SORBS3: variants seen among roughly 807,000 people sequenced by gnomAD.
The protein encoded by SORBS3 is sorbin and SH3 domain containing 3.
In SORBS3, 69 loss-of-function variants were observed where a neutral mutation model predicts 98.0. The observed-to-expected ratio is 0.70, with a 90% CI of 0.58 to 0.86. The LOEUF (loss-of-function observed/expected upper bound fraction) is 0.86. Among genes scored for constraint, SORBS3 ranks in the 40% least tolerant of loss-of-function variants. The pLI is 0.00. For synonymous variants in SORBS3, 394 were observed against 355.4 expected (o/e 1.11, Z -1.22); for missense variants, 954 against 908.5 (o/e 1.05, Z -0.64).
At position 22,572,385 on chromosome 8, in the gene SORBS3, G is replaced by A; in HGVS notation, c.1893G>A (p.Leu631=). The part of the protein sequence containing the change: ...YQYRPQNEDE[L]ELREGDRVDV... Reference sequence around the variant, plus strand: ...ACAGGCCCCAGAACGAAGACGAGCTGGAGCTGCGCGAGGGGGACAGGGTGG... The same window carrying A: ...ACAGGCCCCAGAACGAAGACGAGCTAGAGCTGCGCGAGGGGGACAGGGTGG... Residue 631 remains leucine (L), a synonymous_variant, in exon 20 of 21, where the codon CTG becomes CTA. Transcript: ENST00000240123. 2 of 1,614,108 alleles carry A rather than the reference G, an allele frequency of 1.2e-6. No homozygotes were observed. The highest frequency in any genetic ancestry group is 1.1e-5 in the South Asian group (1 of 91,086).
At chr8:22,561,288 C>G in intron 5 of SORBS3, 47 bp from the exon 6 acceptor site, 1 of 1,541,584 alleles carries the variant, frequency 6.5e-7, no homozygotes, top group African/African-American at 1.4e-5. Flanking sequence ...GCACCCTGCC[C>G]TTGCTTTCTG....
intron 10 of SORBS3, 172 bp from the exon 11 acceptor site, chr8:22,565,096 C>A: frequency 1.4e-6 from 2 of 1,437,442 alleles, no homozygotes; most frequent in Admixed American, 5.3e-5. Flanking sequence ...GGCGGGGATG[C>A]CCTCTTGGCA....
At chr8:22,558,085 G>C (rs1449203819) in intron 4 of SORBS3, 44 bp from the exon 5 acceptor site, 1 of 1,596,442 alleles carries the variant, frequency 6.3e-7, no homozygotes, top group Admixed American at 1.7e-5. Flanking sequence ...AAATTGGGAG[G>C]GTGAATAAGC....
At chr8:22,558,019 G>C in intron 4 of SORBS3, 110 bp from the exon 5 acceptor site, 1 of 969,794 alleles carries the variant, frequency 1.0e-6, no homozygotes, top group Non-Finnish European at 1.7e-6. Flanking sequence ...CCCACCTATG[G>C]GGGGTTCAGG....
intron 7 of SORBS3, among the ~76,000 whole-genome samples, chr8:22,562,982 G>C (rs989061664): frequency 6.6e-6 from 1 of 152,152 alleles, no homozygotes; most frequent in Non-Finnish European, 1.5e-5. Flanking sequence ...AGCCGGGCGC[G>C]GTGGCGGGTG....
At position 22,567,101 on chromosome 8, in the gene SORBS3, A is replaced by G; in HGVS notation, c.1231A>G (p.Lys411Glu). 1 of 1,613,570 alleles carries G rather than the reference A, an allele frequency of 6.2e-7. No homozygotes were observed. Among genetic ancestry groups the G allele is most frequent in the Non-Finnish European group, 8.5e-7 (1 of 1,179,828 alleles). ...LQKGDIVYIH[K>E]EVDKNWLEGE... ...GAAGGGTGACATTGTCTACATCCACAAGGAGGTGGACAAGAACTGGCTGGA... is the reference window on the plus strand; with the variant it reads ...GAAGGGTGACATTGTCTACATCCACGAGGAGGTGGACAAGAACTGGCTGGA... The change falls in exon 16 of 21, where the codon AAG (lysine) becomes GAG (glutamate). Residue 411 changes from lysine to glutamate, a missense_variant. By Grantham distance (56) the Lys-to-Glu change is moderately conservative. Transcript: ENST00000240123.
intron 1 of SORBS3, among the ~76,000 whole-genome samples, 170 bp downstream of exon 1, chr8:22,552,192 C>T (rs943304354): frequency 9.9e-5 from 15 of 152,248 alleles, no homozygotes; most frequent in African/African-American, 3.4e-4. Context: ...AAAAGCTGTC[C>T]TTGTCCACGT....
Position 22,572,412 on chromosome 8 carries a change from T to C in SORBS3, c.1920T>C (p.Asp640=), listed in dbSNP as rs2117303490. The C allele has an allele frequency of 6.2e-7, 1 of 1,613,900 alleles. No individual in the cohort carries two copies. Among genetic ancestry groups the C allele is most frequent in the Middle Eastern group, 1.7e-4 (1 of 6,060 alleles). Residue 640 remains aspartate (D), a synonymous_variant, in exon 20 of 21, where the codon GAT becomes GAC. Coordinates refer to ENST00000240123, the MANE Select transcript of SORBS3 (RefSeq NM_005775.5). ...ELELREGDRV[D]VMQQCDDGWF... ...AGCTGCGCGAGGGGGACAGGGTGGA[T>C]GTCATGCAGCAGTGTGACGATGGCT...
rs755951279 is a variant in SORBS3, at chr8:22,571,229, A to G, written c.1743+8A>G. 2.6e-5 allele frequency: 40 copies of G among 1,519,960 alleles called. No homozygotes were observed. Among genetic ancestry groups the G allele is most frequent in the Middle Eastern group, 1.8e-4 (1 of 5,698 alleles). 94.2% of individuals were successfully genotyped at this position (1,519,960 alleles called of 1,614,324 possible). A position where few individuals can be genotyped will look rare whatever the true frequency, so the allele number is the denominator to read the frequency against. On this transcript the variant is annotated splice_region_variant and intron_variant, in intron 18 of 20. Transcript: ENST00000240123. ...CCTAGACCCCAGACCCAGGTGAGGT[A>G]GCCTGCCTCCACCAGAGAGTCGACC...
intron 6 of SORBS3, 36 bp downstream of exon 6, chr8:22,561,409 C>T: frequency 6.2e-7 from 1 of 1,611,948 alleles, no homozygotes; most frequent in Middle Eastern, 1.7e-4. Context: ...TGCCATAGCC[C>T]TGCGCCTGCG....
In SORBS3 at chr8:22,564,168, T is replaced by C. The variant is rs1840354073; in HGVS notation, c.675+91T>C. 5.3e-6 allele frequency: 8 copies of C among 1,503,598 alleles called. No individual in the cohort carries two copies. The East Asian group carries it at 1.9e-4, about 35-fold the overall frequency. The allele number at this position is 1,503,598 out of a possible 1,614,324, so 93.1% of individuals were successfully genotyped here. On this transcript the variant is annotated intron_variant, in intron 8 of 20. Transcript: ENST00000240123. ...ACGATGTCCTTTCAGCTTGAATCCC[T>C]TGGAGGACACCGTGGGCCCAGGGGA...
At chr8:22,551,322 C>T (rs1267390506), upstream of SORBS3, among the ~76,000 whole-genome samples, 2 of 151,936 alleles carry the variant, frequency 1.3e-5, no homozygotes, top group Non-Finnish European at 2.9e-5. The surrounding 1 kb of genome is among the most constrained non-coding windows in gnomAD (Gnocchi z 5.8). Context: ...GGAGGGGCGG[C>T]GGGGCCTTCC....
Position 22,567,191 on chromosome 8 carries a change from A to C in SORBS3, c.1305+16A>C. ...TTATGTGGAGGTGAGCAGGAGAGAC[A>C]AGAGCAAGTGGGGCTGGGCTGGGAG... On this transcript the variant is annotated intron_variant, in intron 16 of 20. Transcript: ENST00000240123. 2.5e-6 allele frequency: 4 copies of C among 1,574,362 alleles called. No homozygotes were observed. The highest frequency in any genetic ancestry group is 3.5e-6 in the Non-Finnish European group (4 of 1,145,362).
At position 22,571,852 on chromosome 8, in the gene SORBS3, C is replaced by T. The variant is rs368728872; in HGVS notation, c.1847+31C>T. On this transcript the variant is annotated intron_variant, in intron 19 of 20. Transcript: ENST00000240123. ...TACCATCTGAGGGCTCTTGATCAGA[C>T]GTGGGGGGGGTCACTGGCAGGCAAT... 69 of 1,473,756 alleles carry T rather than the reference C, an allele frequency of 4.7e-5. No homozygotes were observed. The African/African-American group carries it at 5.7e-4, about 12-fold the overall frequency. The allele number at this position is 1,473,756 out of a possible 1,614,324, so 91.3% of individuals were successfully genotyped here. A position where few individuals can be genotyped will look rare whatever the true frequency, so the allele number is the denominator to read the frequency against.
intron 17 of SORBS3, 119 bp downstream of exon 17, chr8:22,569,392 C>T (rs569240560): frequency 3.6e-5 from 32 of 876,980 alleles, no homozygotes; most frequent in African/African-American, 1.2e-4. Flanking sequence ...CAGGCTGTAG[C>T]GCAGTGGTGC....
At chr8:22,561,404 T>C in intron 6 of SORBS3, 31 bp downstream of exon 6, 2 of 1,612,518 alleles carry the variant, frequency 1.2e-6, no homozygotes, top group Non-Finnish European at 1.7e-6. Context: ...CTGCCTGCCA[T>C]AGCCCTGCGC....
intron 19 of SORBS3, 50 bp downstream of exon 19, chr8:22,571,871 A>C (rs768117086): frequency 7.6e-7 from 1 of 1,316,454 alleles, no homozygotes; most frequent in Admixed American, 1.7e-5. Context: ...GGTCACTGGC[A>C]GGCAATGCCC....
chr8:22,551,859 CGCCCG>C (rs1050420345), upstream of SORBS3: 24 of 984,798 alleles, frequency 2.4e-5, 1 homozygote, highest in African/African-American at 1.9e-4. The surrounding 1 kb of genome is among the most constrained non-coding windows in gnomAD (Gnocchi z 5.8). Flanking sequence ...CCTGCGCCGG[CGCCCG>C]GCCCGGCCCG....
At chr8:22,572,867 A>T (rs10090993) in intron 20 of SORBS3, among the ~76,000 whole-genome samples, 36,311 of 152,182 alleles carry the variant, frequency 0.24, 4,459 homozygotes, top group Admixed American at 0.32. Flanking sequence ...GAAAGGTCCC[A>T]GCCCCTCAGG....
Sources: gnomAD v4.1 joint callset for allele counts (sites outside exome capture counted in the v4.1 genomes callset) on GRCh38, gnomAD v4.1.1 for gene constraint, Gnocchi (gnomAD v3.1) non-coding constraint, MANE v1.5 for transcripts, NCBI Gene and HGNC (gene_info 2026-07-23, HGNC 2026-07-21) for gene names.